The following GRIP1 variants were observed in gnomAD, a reference collection of about 807,000 sequenced individuals.
GRIP1 encodes the protein glutamate receptor interacting protein 1.
GRIP1 carries 45 observed loss-of-function variants against 129.9 expected under a neutral mutation model. The ratio of observed to expected loss-of-function variants is 0.35; its 90% CI spans 0.27 to 0.44. GRIP1 has a LOEUF of 0.44. Among genes scored for constraint, GRIP1 ranks in the 20% least tolerant of loss-of-function variants. The pLI is 1.00. For missense variants in GRIP1, 1,196 were observed against 1,396.8 expected (o/e 0.86, Z 2.29); for synonymous variants, 530 against 520.8 (o/e 1.02, Z -0.24).
intron 1 of GRIP1, among the ~76,000 whole-genome samples, chr12:66,618,554 T>G (rs1293586603): frequency 6.6e-6 from 1 of 152,088 alleles, no homozygotes; most frequent in East Asian, 1.9e-4. Flanking sequence ...AAAGCATGAT[T>G]GATTAGGATG....
At chr12:66,949,265 G>GA (rs2041718285) in intron 1 of GRIP1, among the ~76,000 whole-genome samples, 1 of 152,132 alleles carries the variant, frequency 6.6e-6, no homozygotes, top group Non-Finnish European at 1.5e-5. Flanking sequence ...TGGGCAGAGG[G>GA]ATGTATGTTA....
At chr12:66,549,155 A>G (rs893339809) in intron 2 of GRIP1, among the ~76,000 whole-genome samples, 9 of 152,190 alleles carry the variant, frequency 5.9e-5, no homozygotes, top group African/African-American at 2.2e-4. Flanking sequence ...TCCAGCATCT[A>G]GAATAGTGCC....
chr12:66,690,011 A>C (rs1350369745), intron 1 of GRIP1, among the ~76,000 whole-genome samples: 1 of 152,018 alleles, frequency 6.6e-6, no homozygotes, highest in African/African-American at 2.4e-5. Context: ...TTCAGCCTCC[A>C]GGGCTCAGAC....
intron 16 of GRIP1, among the ~76,000 whole-genome samples, chr12:66,397,565 A>G (rs1340789707): frequency 6.6e-6 from 1 of 152,180 alleles, no homozygotes; most frequent in East Asian, 1.9e-4. Flanking sequence ...CTTTAAAAAA[A>G]CAGTTGGTTT....
intron 1 of GRIP1, among the ~76,000 whole-genome samples, chr12:66,861,009 A>G (rs1387337577): frequency 1.3e-5 from 2 of 152,082 alleles, no homozygotes; most frequent in Admixed American, 1.3e-4. Flanking sequence ...ACCCAGGATA[A>G]TATCAGTGTG....
intron 7 of GRIP1, among the ~76,000 whole-genome samples, chr12:66,490,322 C>A (rs920541403): frequency 6.6e-6 from 1 of 152,070 alleles, no homozygotes; most frequent in Non-Finnish European, 1.5e-5. Flanking sequence ...AGAAATAAGA[C>A]CACACACCTA....
intron 1 of GRIP1, among the ~76,000 whole-genome samples, chr12:67,055,181 G>A (rs2043414505): frequency 6.6e-6 from 1 of 152,206 alleles, no homozygotes; most frequent in African/African-American, 2.4e-5. Flanking sequence ...ATAAAGAGAT[G>A]CCTGTTTTTA....
At chr12:66,357,351 T>G (rs2054543719) in intron 23 of GRIP1, among the ~76,000 whole-genome samples, 1 of 152,322 alleles carries the variant, frequency 6.6e-6, no homozygotes, top group Admixed American at 6.5e-5. Flanking sequence ...TATATTCCTC[T>G]GTCTCCCACA....
intron 20 of GRIP1, among the ~76,000 whole-genome samples, chr12:66,378,457 T>TA (rs1323824758): frequency 7.7e-6 from 1 of 129,608 alleles, no homozygotes; most frequent in Non-Finnish European, 1.7e-5. Flanking sequence ...GTCTCAAAAA[T>TA]AAAAAATAGG....
chr12:66,408,975 T>C (rs2057294208), intron 15 of GRIP1, among the ~76,000 whole-genome samples: 4 of 152,072 alleles, frequency 2.6e-5, no homozygotes, highest in Admixed American at 2.6e-4. Context: ...CTTTGTCTTG[T>C]GTCTTGGGTG....
intron 1 of GRIP1, among the ~76,000 whole-genome samples, chr12:66,723,300 CTTTCT>C (rs2036143892): frequency 1.7e-3 from 74 of 42,548 alleles, no homozygotes; most frequent in South Asian, 4.8e-3. Flanking sequence ...TTCTTTCTTT[CTTTCT>C]TTTTTTTTTT....
intron 1 of GRIP1, among the ~76,000 whole-genome samples, chr12:66,892,760 G>C (rs905970966): frequency 2.2e-5 from 3 of 137,088 alleles, no homozygotes; most frequent in African/African-American, 8.7e-5. Context: ...CTACAACTTT[G>C]AGGCAAGCCT....
At chr12:66,914,091 G>A (rs916193164) in intron 1 of GRIP1, among the ~76,000 whole-genome samples, 4 of 152,086 alleles carry the variant, frequency 2.6e-5, no homozygotes, top group African/African-American at 9.7e-5. Context: ...ACTACAGAAG[G>A]ACACTATGAG....
intron 1 of GRIP1, among the ~76,000 whole-genome samples, chr12:66,940,115 C>T (rs1051040331): frequency 6.6e-6 from 1 of 151,642 alleles, no homozygotes; most frequent in Admixed American, 6.6e-5. Flanking sequence ...TCAATGGCAC[C>T]ACAACAAAGG....
chr12:66,516,246 G>A (rs2060841017), intron 6 of GRIP1, among the ~76,000 whole-genome samples: 1 of 152,120 alleles, frequency 6.6e-6, no homozygotes, highest in African/African-American at 2.4e-5. Flanking sequence ...TGATTTATAA[G>A]GCCATTTGGC....
At chr12:66,999,548 C>A (rs1178990165) in intron 1 of GRIP1, among the ~76,000 whole-genome samples, 1 of 151,920 alleles carries the variant, frequency 6.6e-6, no homozygotes, top group Non-Finnish European at 1.5e-5. Context: ...AGAAATAAAG[C>A]AAAATTGTAA....
At chr12:66,977,177 G>T (rs1465130473) in intron 1 of GRIP1, among the ~76,000 whole-genome samples, 2 of 150,596 alleles carry the variant, frequency 1.3e-5, no homozygotes, top group Admixed American at 1.3e-4. Flanking sequence ...TCCCAAATCT[G>T]CCATGATTAA....
chr12:66,406,016 A>G (rs1403909434), intron 16 of GRIP1, among the ~76,000 whole-genome samples: 2 of 152,254 alleles, frequency 1.3e-5, no homozygotes, highest in African/African-American at 4.8e-5. Flanking sequence ...GTATTAGATG[A>G]TGATTTAGAT....
At chr12:66,422,904 T>A (rs1409898406) in intron 14 of GRIP1, among the ~76,000 whole-genome samples, 1 of 152,164 alleles carries the variant, frequency 6.6e-6, no homozygotes, top group Non-Finnish European at 1.5e-5. Flanking sequence ...ATCACCACCA[T>A]GCATGTTAAA....
Sources: gnomAD v4.1 joint callset for allele counts (sites outside exome capture counted in the v4.1 genomes callset) on GRCh38, gnomAD v4.1.1 for gene constraint, MANE v1.5 for transcripts, NCBI Gene and HGNC (gene_info 2026-07-23, HGNC 2026-07-21) for gene names.